The following FHIT variants were observed in gnomAD, a reference collection of about 807,000 sequenced individuals.
FHIT encodes bis(5'-adenosyl)-triphosphatase.
A neutral mutation model predicts 17.9 loss-of-function variants in FHIT; 19 were observed. The ratio of observed to expected loss-of-function variants is 1.06; its 90% CI spans 0.74 to 1.56. The LOEUF is 1.56. FHIT is among the 40% of genes most tolerant of loss of function. The probability of loss-of-function intolerance (pLI) is 0.00; values close to 1 mark genes in which losing one functional copy is unlikely to be tolerated. For missense variants in FHIT, 248 were observed against 189.2 expected, an observed-to-expected ratio of 1.31 and a Z score of -1.82; for synonymous variants, 81 against 69.7, an observed-to-expected ratio of 1.16 and a Z score of -0.81.
At chr3:61,146,774 C>T (rs1256180710) in intron 2 of FHIT, among the ~76,000 whole-genome samples, 1 of 152,010 alleles carries the variant, frequency 6.6e-6, no homozygotes, top group Non-Finnish European at 1.5e-5. Flanking sequence ...TGCAAAGAAA[C>T]TACTGTAGGA....
chr3:60,326,744 A>T (rs1174530005), intron 5 of FHIT, among the ~76,000 whole-genome samples: 1 of 152,230 alleles, frequency 6.6e-6, no homozygotes, highest in African/African-American at 2.4e-5. Flanking sequence ...AGCTACTAGT[A>T]GTAGTGACTG....
At chr3:59,811,171 C>A (rs1450626145) in intron 8 of FHIT, among the ~76,000 whole-genome samples, 2 of 152,212 alleles carry the variant, frequency 1.3e-5, no homozygotes, top group Non-Finnish European at 2.9e-5. Flanking sequence ...ACACTTATGT[C>A]ACCCTCTCAT....
intron 5 of FHIT, among the ~76,000 whole-genome samples, chr3:60,095,622 G>A (rs1478402564): frequency 1.3e-5 from 2 of 152,216 alleles, no homozygotes; most frequent in Non-Finnish European, 2.9e-5. Flanking sequence ...AGGGAAAGCT[G>A]AGGGTGAAGG....
chr3:59,977,587 A>G (rs532446051), intron 7 of FHIT, among the ~76,000 whole-genome samples: 2 of 152,346 alleles, frequency 1.3e-5, no homozygotes, highest in South Asian at 4.1e-4. Context: ...CTGAACAAGT[A>G]ACCCTGATTT....
At chr3:60,058,910 T>G (rs1389128236) in intron 5 of FHIT, among the ~76,000 whole-genome samples, 2 of 152,172 alleles carry the variant, frequency 1.3e-5, no homozygotes, top group Admixed American at 6.5e-5. Context: ...TGGCAAAAGC[T>G]TGGGCAGAGA....
chr3:60,584,010 C>T (rs1553660698), intron 4 of FHIT, among the ~76,000 whole-genome samples: 1 of 152,026 alleles, frequency 6.6e-6, no homozygotes, highest in African/African-American at 2.4e-5. Flanking sequence ...CTGTCATTTC[C>T]CAAAGGCATT....
intron 3 of FHIT, among the ~76,000 whole-genome samples, chr3:60,957,387 G>A (rs1228762430): frequency 4.6e-5 from 7 of 151,938 alleles, no homozygotes; most frequent in East Asian, 3.9e-4. Flanking sequence ...ACAGGCACGT[G>A]CCACCACACC....
Position 60,983,437 on chromosome 3 carries a change from A to G in FHIT, c.-111+58610T>C, listed in dbSNP as rs1710579796. 3.9e-5 allele frequency among the ~76,000 whole-genome samples: 6 copies of G among 152,180 alleles called. No homozygotes were observed. The South Asian group carries it at 1.2e-3, about 32-fold the overall frequency. On this transcript the variant is annotated intron_variant, in intron 3 of 9. Transcript: ENST00000492590. ...GTGTGAATGACAGCTCCTTTGGACA[A>G]TAAGTCAGGGTAAGAAGGAGATGAA...
At chr3:61,208,569 T>C (rs973316992) in intron 1 of FHIT, among the ~76,000 whole-genome samples, 1 of 152,132 alleles carries the variant, frequency 6.6e-6, no homozygotes, top group Non-Finnish European at 1.5e-5. Context: ...CATTATGCAA[T>C]GGCCTTCTTT....
chr3:60,276,800 G>A (rs1401245050), intron 5 of FHIT, among the ~76,000 whole-genome samples: 1 of 152,122 alleles, frequency 6.6e-6, no homozygotes, highest in South Asian at 2.1e-4. Context: ...ATGTCACAGG[G>A]CAAGAGAGGG....
intron 5 of FHIT, among the ~76,000 whole-genome samples, chr3:60,498,928 A>G (rs548070549): frequency 6.6e-6 from 1 of 152,370 alleles, no homozygotes; most frequent in African/African-American, 2.4e-5. Flanking sequence ...TGTTTTGTGA[A>G]TAACAAAATA....
intron 7 of FHIT, among the ~76,000 whole-genome samples, chr3:60,002,156 C>T (rs117998355): frequency 2.6e-5 from 4 of 152,138 alleles, no homozygotes; most frequent in South Asian, 2.1e-4. Flanking sequence ...TTTCATGTAA[C>T]GTCAGGAACC....
intron 8 of FHIT, among the ~76,000 whole-genome samples, chr3:59,804,310 C>T (rs1214456991): frequency 1.1e-4 from 17 of 152,202 alleles, no homozygotes; most frequent in Non-Finnish European, 1.5e-5. Flanking sequence ...GCATTATCTA[C>T]ACTGCCCCAT....
intron 1 of FHIT, among the ~76,000 whole-genome samples, chr3:61,213,318 C>A (rs530702008): frequency 6.6e-5 from 10 of 152,052 alleles, no homozygotes; most frequent in East Asian, 1.9e-4. Context: ...AAGATCTACC[C>A]AGCAAATGGA....
At chr3:60,238,496 A>C (rs2107567968) in intron 5 of FHIT, among the ~76,000 whole-genome samples, 1 of 152,038 alleles carries the variant, frequency 6.6e-6, no homozygotes, top group South Asian at 2.1e-4. Flanking sequence ...AACACAAAAG[A>C]TGCTTTCTAA....
At chr3:59,926,488 CAT>C (rs927390966) in intron 7 of FHIT, among the ~76,000 whole-genome samples, 1 of 152,076 alleles carries the variant, frequency 6.6e-6, no homozygotes, top group African/African-American at 2.4e-5. Context: ...TGAAGAAAAA[CAT>C]AACGGTATAA....
chr3:59,788,596 T>C (rs375667379), intron 8 of FHIT, among the ~76,000 whole-genome samples: 3 of 152,304 alleles, frequency 2.0e-5, no homozygotes, highest in African/African-American at 7.2e-5. Flanking sequence ...TCCTATACAG[T>C]ACTTCTCTGA....
intron 3 of FHIT, among the ~76,000 whole-genome samples, chr3:60,985,736 A>T (rs2107566727): frequency 6.6e-6 from 1 of 152,332 alleles, no homozygotes; most frequent in East Asian, 1.9e-4. Flanking sequence ...ATAAATTCCC[A>T]GGTGCGTTAG....
intron 5 of FHIT, among the ~76,000 whole-genome samples, chr3:60,530,036 T>G (rs2107584467): frequency 6.6e-6 from 1 of 152,230 alleles, no homozygotes; most frequent in South Asian, 2.1e-4. Context: ...GACAGTTGAA[T>G]TTTTCTCCTG....
Sources: gnomAD v4.1 joint callset for allele counts (sites outside exome capture counted in the v4.1 genomes callset) on GRCh38, gnomAD v4.1.1 for gene constraint, MANE v1.5 for transcripts, NCBI Gene and HGNC (gene_info 2026-07-23, HGNC 2026-07-21) for gene names.